Variants in ZIM2 observed in about 807,000 individuals in gnomAD.
ZIM2 encodes zinc finger imprinted 2, also known as zinc finger protein 656.
In ZIM2, 14 loss-of-function variants were observed where a neutral mutation model predicts 38.6. The observed-to-expected ratio is 0.36, with a 90% confidence interval of 0.24 to 0.57. The LOEUF (loss-of-function observed/expected upper bound fraction) is 0.57, where lower values mean the gene tolerates loss of function less well. Ranked by LOEUF, ZIM2 falls within the 20% of genes least tolerant of loss-of-function variation. The pLI is 0.81. For missense variants in ZIM2, 680 were observed against 695.1 expected, an observed-to-expected ratio of 0.98 and a Z score of 0.24; for synonymous variants, 247 against 245.8, an observed-to-expected ratio of 1.00 and a Z score of -0.04.
rs780257933 is a variant in ZIM2 at position 56,814,196 on chromosome 19, C to A, written c.490+3550G>T. On this transcript the variant is annotated intron_variant, in intron 9 of 12. Transcript: ENST00000629319. This position sits in a 1 kb window ranked among gnomAD's most constrained non-coding sequence, Gnocchi z 5.8. Reference sequence around the variant, plus strand: ...CCTTCAGCCTCTCCGTTTGGCTCAGCAGCCTCCACTTCTGGCTCAGCAGCC... The same window carrying A: ...CCTTCAGCCTCTCCGTTTGGCTCAGAAGCCTCCACTTCTGGCTCAGCAGCC... 1.2e-6 allele frequency: 2 copies of A among 1,611,528 alleles called. No homozygotes were observed. The highest frequency in any genetic ancestry group is 1.7e-6 in the Non-Finnish European group (2 of 1,178,276).
intron 9 of ZIM2, among the ~76,000 whole-genome samples, chr19:56,805,997 GAC>G (rs1401335667): frequency 6.6e-6 from 1 of 152,208 alleles, no homozygotes; most frequent in African/African-American, 2.4e-5. Flanking sequence ...ATTCTTAGGT[GAC>G]ACAGACTGAA....
intron 9 of ZIM2, among the ~76,000 whole-genome samples, chr19:56,795,468 C>G (rs2047158521): frequency 1.3e-5 from 2 of 152,246 alleles, no homozygotes; most frequent in Non-Finnish European, 1.5e-5. Flanking sequence ...GAACTTACCT[C>G]GCACGCCTCA....
Position 56,774,763 on chromosome 19 carries a change from G to A in ZIM2, c.1602C>T (p.Phe534=), listed in dbSNP as rs549975682. The A allele has an allele frequency of 6.2e-6, 10 of 1,614,110 alleles. No individual in the cohort carries two copies. The highest frequency in any genetic ancestry group is 4.5e-5 in the East Asian group (2 of 44,878). Residue 534 remains phenylalanine (F), a synonymous_variant, in exon 13 of 13, where the codon TTC becomes TTT. Coordinates refer to ENST00000629319, the MANE Select transcript of ZIM2 (RefSeq NM_001387356.1). ...GTTGAGTGAGGTATGAGGGTCGGCC[G>A]AAACATTTCCCACATAGCTGACACT... The part of the protein sequence containing the change: ...PYQCQLCGKC[F]GRPSYLTQHY...
chr19:56,803,534 C>T (rs917948078), intron 9 of ZIM2, among the ~76,000 whole-genome samples: 9 of 152,152 alleles, frequency 5.9e-5, no homozygotes, highest in African/African-American at 1.9e-4. Flanking sequence ...AAGTCCTCAC[C>T]GTATACACTG....
At chr19:56,821,791 C>T in intron 6 of ZIM2, 37 bp from the exon 7 acceptor site, 1 of 1,609,376 alleles carries the variant, frequency 6.2e-7, no homozygotes, top group Non-Finnish European at 8.5e-7. Flanking sequence ...AAGCAGGGCC[C>T]AGTCCATCCT....
At chr19:56,822,658 A>G in intron 6 of ZIM2, 95 bp downstream of exon 6, 1 of 1,510,212 alleles carries the variant, frequency 6.6e-7, no homozygotes, top group Non-Finnish European at 9.0e-7. Context: ...CAAATGGAGC[A>G]GCAGAAACTT....
At chr19:56,828,121 C>A (rs2061235559) in intron 2 of ZIM2, among the ~76,000 whole-genome samples, 5 of 152,194 alleles carry the variant, frequency 3.3e-5, no homozygotes, top group Admixed American at 3.3e-4. Flanking sequence ...ACTCACAGAG[C>A]AGGTGCAGGC....
intron 9 of ZIM2, among the ~76,000 whole-genome samples, chr19:56,795,708 G>C (rs763572055): frequency 3.3e-5 from 5 of 152,030 alleles, no homozygotes; most frequent in Admixed American, 6.5e-5. Flanking sequence ...TCTGTTGGTG[G>C]TGGGCGCCTG....
At chr19:56,807,408 C>T (rs2047810204) in intron 9 of ZIM2, among the ~76,000 whole-genome samples, 1 of 152,198 alleles carries the variant, frequency 6.6e-6, no homozygotes, top group South Asian at 2.1e-4. Context: ...ATTATACAGA[C>T]AGAAACTTTC....
chr19:56,815,248 C>T (rs369433949), intron 9 of ZIM2: 1 of 1,614,200 alleles, frequency 6.2e-7, no homozygotes, highest in South Asian at 1.1e-5. Context: ...AGTATTCTCG[C>T]CTTGAGACTC....
intron 9 of ZIM2, chr19:56,815,801 G>C: frequency 6.2e-7 from 1 of 1,613,438 alleles, no homozygotes; most frequent in African/African-American, 1.3e-5. Flanking sequence ...CCTTCACAAG[G>C]GTTCTCTCTG....
Position 56,779,397 on chromosome 19 carries a change from C to T in ZIM2, c.815G>A (p.Arg272Lys). Residue 272 changes from arginine (R) to lysine (K), a missense_variant, in exon 12 of 13, where the codon AGA becomes AAA. Transcript: ENST00000629319. ...CTCACCTTGACAAATCACTGTATGTCTGCTGTCTGTCTCCATTGCATATGA... is the reference window on the plus strand; with the variant it reads ...CTCACCTTGACAAATCACTGTATGTTTGCTGTCTGTCTCCATTGCATATGA... ...EESYAMETDS[R>K]HTVICQGESH... 1.2e-6 allele frequency: 2 copies of T among 1,613,936 alleles called. No individual in the cohort carries two copies. Among genetic ancestry groups the T allele is most frequent in the Non-Finnish European group, 1.7e-6 (2 of 1,179,892 alleles).
intron 2 of ZIM2, among the ~76,000 whole-genome samples, chr19:56,834,905 A>G (rs193234325): frequency 4.3e-4 from 65 of 152,296 alleles, no homozygotes; most frequent in Admixed American, 2.0e-3. Context: ...GCCTGGCATG[A>G]TCCTGTCCTG....
Position 56,814,489 on chromosome 19 carries a change from G to T in ZIM2, c.490+3257C>A. On this transcript the variant is annotated intron_variant, in intron 9 of 12. Coordinates refer to ENST00000629319, the MANE Select transcript of ZIM2 (RefSeq NM_001387356.1). The surrounding 1 kb of genome is among the most constrained non-coding windows in gnomAD (Gnocchi z 5.8). Reference sequence around the variant, plus strand: ...TTTGAGGGGCTCAGTAAGAAATGAGGTGTGAGTATAGGAGGACCCGTACTC... The same window carrying T: ...TTTGAGGGGCTCAGTAAGAAATGAGTTGTGAGTATAGGAGGACCCGTACTC... 3 of 1,613,082 alleles carry T rather than the reference G, an allele frequency of 1.9e-6. No homozygotes were observed. The highest frequency in any genetic ancestry group is 2.5e-6 in the Non-Finnish European group (3 of 1,179,034).
At chr19:56,813,286 T>C (rs2059666425) in intron 9 of ZIM2, 1 of 935,768 alleles carries the variant, frequency 1.1e-6, no homozygotes, top group African/African-American at 1.8e-5. Context: ...TCCAAATATA[T>C]GTGATCACTG....
intron 3 of ZIM2, chr19:56,824,921 C>G (rs1223135912): frequency 2.3e-5 from 9 of 399,894 alleles, no homozygotes; most frequent in Non-Finnish European, 3.2e-5. Flanking sequence ...CTGGGCTTCA[C>G]AGAGACCTAC....
intron 9 of ZIM2, among the ~76,000 whole-genome samples, chr19:56,797,083 A>C (rs1362906396): frequency 6.6e-6 from 1 of 152,114 alleles, no homozygotes; most frequent in Non-Finnish European, 1.5e-5. Flanking sequence ...AGGCTGAGGC[A>C]GGCAGATGAC....
Position 56,775,248 on chromosome 19 carries a change from C to T in ZIM2, c.1117G>A (p.Ala373Thr). Residue 373 changes from alanine (A) to threonine (T), a missense_variant, in exon 13 of 13, where the codon GCC becomes ACC. By Grantham distance (58) the Ala-to-Thr change is moderately conservative. Transcript: ENST00000629319. The stretch of plus-strand genomic sequence containing the variant: ...TGGATCCGTTCGTGTCTCCTAAGGG[C>T]TACTTGCGTACTAAAGGTTCGTTTG... ...FCKRTFSTQV[A>T]LRRHERIHTG... The T allele has an allele frequency of 6.2e-7, 1 of 1,614,146 alleles. No homozygotes were observed. Among genetic ancestry groups the T allele is most frequent in the South Asian group, 1.1e-5 (1 of 91,080 alleles).
chr19:56,781,604 C>T (rs57275828), intron 11 of ZIM2, among the ~76,000 whole-genome samples: 2,501 of 152,090 alleles, frequency 0.016, 80 homozygotes, highest in African/African-American at 0.057. Flanking sequence ...TCCCAGCTTT[C>T]GACAAGTACT....
Sources: allele counts gnomAD v4.1 joint callset (sites outside exome capture counted in the v4.1 genomes callset), GRCh38; gene constraint gnomAD v4.1.1; non-coding constraint Gnocchi (gnomAD v3.1); transcripts MANE v1.5; gene names NCBI Gene and HGNC (gene_info 2026-07-23, HGNC 2026-07-21).